Variants in JAM2 observed in about 807,000 individuals in gnomAD.
JAM2 encodes the protein junctional adhesion molecule B.
Under a neutral mutation model 42.0 loss-of-function variants are expected in JAM2, and 17 were observed. That is an observed-to-expected ratio of 0.40 (90% CI 0.28 to 0.61). JAM2 has a LOEUF of 0.61. JAM2 is among the 20% of genes least tolerant of loss of function. The probability of loss-of-function intolerance (pLI) is 0.37; values close to 1 mark genes in which losing one functional copy is unlikely to be tolerated. For missense variants in JAM2, 319 were observed against 358.3 expected, an observed-to-expected ratio of 0.89 and a Z score of 0.89; for synonymous variants, 118 against 128.6, an observed-to-expected ratio of 0.92 and a Z score of 0.56.
intron 8 of JAM2, chr21:25,711,517 C>A: frequency 2.5e-6 from 1 of 406,068 alleles, no homozygotes; most frequent in East Asian, 7.3e-5. Flanking sequence ...GAATCATCTG[C>A]CATTGACTTC....
chr21:25,671,714 G>A (rs1049857208), intron 1 of JAM2, among the ~76,000 whole-genome samples: 18 of 152,204 alleles, frequency 1.2e-4, no homozygotes, highest in African/African-American at 4.3e-4. Context: ...TCACCATGTT[G>A]GCCAGGCTGG....
chr21:25,696,791 A>G (rs2123395142), intron 4 of JAM2, among the ~76,000 whole-genome samples: 1 of 151,982 alleles, frequency 6.6e-6, no homozygotes, highest in East Asian at 1.9e-4. Flanking sequence ...GCCACACTCA[A>G]CTCCTAGAGG....
chr21:25,701,758 G>A (rs987157743), intron 5 of JAM2, among the ~76,000 whole-genome samples: 7 of 152,088 alleles, frequency 4.6e-5, no homozygotes, highest in African/African-American at 1.4e-4. Flanking sequence ...CAGTGAACTC[G>A]CTTGTGACTT....
intron 1 of JAM2, among the ~76,000 whole-genome samples, chr21:25,671,660 C>A (rs9981246): frequency 1.8e-4 from 28 of 151,970 alleles, no homozygotes; most frequent in Non-Finnish European, 2.8e-4. Flanking sequence ...CGTGCACCAC[C>A]ACACCTGGCT....
At chr21:25,694,685 A>T (rs1317170408) in intron 4 of JAM2, among the ~76,000 whole-genome samples, 2 of 151,032 alleles carry the variant, frequency 1.3e-5, no homozygotes, top group Non-Finnish European at 3.0e-5. Context: ...AAAAAAAAAT[A>T]AATAAAAAGC....
At chr21:25,711,246 T>C in intron 8 of JAM2, 1 of 289,636 alleles carries the variant, frequency 3.5e-6, no homozygotes, top group South Asian at 2.9e-5. Context: ...AAATCTAGAG[T>C]TTGGGGAAAT....
In JAM2 at chr21:25,714,770, C is replaced by A. The variant is rs11702420; in HGVS notation, c.*98C>A. 1.3e-6 allele frequency: 1 copy of A among 746,812 alleles called. No homozygotes were observed. The highest frequency in any genetic ancestry group is 2.1e-6 in the Non-Finnish European group (1 of 477,604). 46.3% of individuals were successfully genotyped at this position (746,812 alleles called of 1,614,324 possible). A position where few individuals can be genotyped will look rare whatever the true frequency, so the allele number is the denominator to read the frequency against. The stretch of plus-strand genomic sequence containing the variant: ...TGTCCGACATTTGCAAAGAGGTACA[C>A]GAGGAAATGGAATTGGTATTTCATT... On this transcript the variant is annotated 3_prime_UTR_variant, in exon 10 of 10. Transcript: ENST00000480456.
At chr21:25,697,343 G>GA (rs1428903027) in intron 4 of JAM2, among the ~76,000 whole-genome samples, 5 of 151,956 alleles carry the variant, frequency 3.3e-5, no homozygotes, top group Admixed American at 6.5e-5. Flanking sequence ...TGAATAACTG[G>GA]AAAAAAAGTG....
At chr21:25,651,423 A>T (rs2032778892) in intron 1 of JAM2, among the ~76,000 whole-genome samples, 1 of 152,102 alleles carries the variant, frequency 6.6e-6, no homozygotes. Flanking sequence ...AATCACATAA[A>T]CTCATCCACA....
chr21:25,700,290 C>T lies in JAM2; in HGVS notation c.597+1411C>T, dbSNP rs544340124. On this transcript the variant is annotated intron_variant, in intron 5 of 9. Coordinates refer to ENST00000480456, the MANE Select transcript of JAM2 (RefSeq NM_021219.4). ...TTTAAAATTGTCTGCCTTCCAGCAACGCAGAATCACTATGACAGCGATTAT... is the reference window on the plus strand; with the variant it reads ...TTTAAAATTGTCTGCCTTCCAGCAATGCAGAATCACTATGACAGCGATTAT... Among the ~76,000 whole-genome samples, 13 of 151,284 alleles carry T rather than the reference C, an allele frequency of 8.6e-5. 1 individual carries two copies. In the South Asian group the frequency reaches 1.7e-3, roughly 19 times the overall value.
At chr21:25,697,945 A>T (rs962364729) in intron 4 of JAM2, among the ~76,000 whole-genome samples, 1 of 149,886 alleles carries the variant, frequency 6.7e-6, no homozygotes, top group African/African-American at 2.5e-5. Flanking sequence ...ACACACACAC[A>T]CACACACTCT....
intron 3 of JAM2, 81 bp downstream of exon 3, chr21:25,690,054 GGACATGACT>G (rs1159001430): frequency 1.2e-6 from 1 of 825,072 alleles, no homozygotes; most frequent in Non-Finnish European, 2.0e-6. Context: ...AAATGAGATC[GGACATGACT>G]GATTACTGAA....
At chr21:25,667,649 G>A (rs1214885827) in intron 1 of JAM2, among the ~76,000 whole-genome samples, 1 of 152,106 alleles carries the variant, frequency 6.6e-6, no homozygotes, top group African/African-American at 2.4e-5. Flanking sequence ...GGGGGTCTTG[G>A]AACGTATCTC....
chr21:25,669,220 A>G (rs1274197493), intron 1 of JAM2, among the ~76,000 whole-genome samples: 1 of 152,026 alleles, frequency 6.6e-6, no homozygotes, highest in African/African-American at 2.4e-5. Flanking sequence ...AAAAAATAGA[A>G]AAATTAGCCA....
intron 1 of JAM2, among the ~76,000 whole-genome samples, chr21:25,677,589 G>A (rs1260797728): frequency 2.0e-5 from 3 of 152,142 alleles, no homozygotes; most frequent in Non-Finnish European, 4.4e-5. Context: ...ACTAAAGTTT[G>A]CCTGAAATGA....
At chr21:25,709,647 A>G (rs1391512815) in intron 8 of JAM2, 198 bp downstream of exon 8, 1 of 409,348 alleles carries the variant, frequency 2.4e-6, no homozygotes, top group Non-Finnish European at 4.5e-6. Flanking sequence ...GAGACTGGGT[A>G]GTTTATTGTA....
At chr21:25,686,880 T>G (rs1450424899) in intron 2 of JAM2, among the ~76,000 whole-genome samples, 1 of 152,358 alleles carries the variant, frequency 6.6e-6, no homozygotes, top group East Asian at 1.9e-4. Context: ...ATGTGATTAT[T>G]TTGCCACATG....
intron 8 of JAM2, chr21:25,711,989 A>G: frequency 4.5e-6 from 1 of 219,948 alleles, no homozygotes; most frequent in South Asian, 6.3e-5. Context: ...AAAAATAAAT[A>G]AATTTTGAGA....
intron 1 of JAM2, among the ~76,000 whole-genome samples, chr21:25,681,976 C>T (rs751492733): frequency 1.3e-5 from 2 of 151,934 alleles, no homozygotes; most frequent in Admixed American, 6.6e-5. Context: ...AGCGAGACTC[C>T]GTCTCAAAAA....
Sources: allele counts gnomAD v4.1 joint callset (sites outside exome capture counted in the v4.1 genomes callset), GRCh38; gene constraint gnomAD v4.1.1; transcripts MANE v1.5; gene names NCBI Gene and HGNC (gene_info 2026-07-23, HGNC 2026-07-21).